Variants in STON1 observed in about 807,000 individuals in gnomAD.
STON1 encodes stonin 1.
A neutral mutation model predicts 60.9 loss-of-function variants in STON1; 79 were observed. The observed-to-expected ratio is 1.30, with a 90% CI of 1.08 to 1.56. The LOEUF (loss-of-function observed/expected upper bound fraction) is 1.56, where lower values mean the gene tolerates loss of function less well. Ranked by LOEUF, STON1 falls within the 40% of genes most tolerant of loss-of-function variation. The pLI, the probability that STON1 is intolerant of heterozygous loss-of-function variation, is 0.00. For synonymous variants in STON1, 363 were observed against 306.9 expected, an observed-to-expected ratio of 1.18 and a Z score of -1.91; for missense variants, 1,166 against 858.9, an observed-to-expected ratio of 1.36 and a Z score of -4.47.
chr2:48,583,897 G>T (rs550596103), intron 2 of STON1, among the ~76,000 whole-genome samples: 1 of 151,820 alleles, frequency 6.6e-6, no homozygotes, highest in South Asian at 2.1e-4. Context: ...AACTACAGGC[G>T]CCCACCACCA....
rs867098917 is a variant in STON1, at chr2:48,564,554, T to C, written c.-47-16033T>C. Among the ~76,000 whole-genome samples the C allele has an allele frequency of 7.1e-4, 39 of 54,766 alleles. 3 individuals carry two copies. The highest frequency in any genetic ancestry group is 7.8e-4 in the African/African-American group (11 of 14,094). 35.9% of individuals were successfully genotyped at this position (54,766 alleles called of 152,430 possible). A position where few individuals can be genotyped will look rare whatever the true frequency, so the allele number is the denominator to read the frequency against. ...TTCTTCTTCTTCTTCTTCTTCTTCT[T>C]CTTCTTCTTCTTCTCCTTCTCCTTC... On this transcript the variant is annotated intron_variant, in intron 1 of 3. Transcript: ENST00000404752.
chr2:48,562,059 C>A (rs1672636231), intron 1 of STON1, among the ~76,000 whole-genome samples: 1 of 152,118 alleles, frequency 6.6e-6, no homozygotes, highest in South Asian at 2.1e-4. Context: ...CGGGGTTCTA[C>A]CACGTTGGCC....
In STON1 at chr2:48,580,824, C is replaced by T. The variant is rs781288144; in HGVS notation, c.191C>T (p.Ser64Phe). Residue 64 changes from serine (S) to phenylalanine (F), a missense_variant, in exon 2 of 4, where the codon TCC (serine) becomes TTC (phenylalanine). Coordinates refer to ENST00000404752, the MANE Select transcript of STON1 (RefSeq NM_006873.4). ...SSSTSSTPLS[S>F]PIVDFYFSPG... ...TCCACCAGCAGCACTCCTCTCTCCT[C>T]CCCCATTGTAGATTTTTATTTCAGT... is the stretch of plus-strand genomic sequence containing the variant. 3 of 1,549,510 alleles carry T rather than the reference C, an allele frequency of 1.9e-6. No individual in the cohort carries two copies. Among genetic ancestry groups the T allele is most frequent in the East Asian group, 2.3e-5 (1 of 43,526 alleles).
At chr2:48,580,143 G>C (rs1192503614) in intron 1 of STON1, among the ~76,000 whole-genome samples, 1 of 152,054 alleles carries the variant, frequency 6.6e-6, no homozygotes, top group Admixed American at 6.6e-5. Context: ...GCTGACCTCA[G>C]GTGACCTGCT....
At chr2:48,562,108 AC>A (rs1672638284) in intron 1 of STON1, among the ~76,000 whole-genome samples, 1 of 151,998 alleles carries the variant, frequency 6.6e-6, no homozygotes, top group Non-Finnish European at 1.5e-5. Flanking sequence ...TAATCCACCC[AC>A]CTTGGCCTCC....
rs539194439 is a variant in STON1, at chr2:48,535,755, T to G, written c.-48+5539T>G. Reference sequence around the variant, plus strand: ...ATGTCTAGGTATGGATTTAGAAAATTTTATCCTACCCAGCAGTCAGTGAGC... The same window carrying G: ...ATGTCTAGGTATGGATTTAGAAAATGTTATCCTACCCAGCAGTCAGTGAGC... On this transcript the variant is annotated intron_variant, in intron 1 of 3. Coordinates refer to ENST00000404752, the MANE Select transcript of STON1 (RefSeq NM_006873.4). 1.3e-5 allele frequency among the ~76,000 whole-genome samples: 2 copies of G among 151,960 alleles called. 1 individual carries two copies. The highest frequency in any genetic ancestry group is 4.8e-5 in the African/African-American group (2 of 41,362).
chr2:48,559,370 G>A (rs1178475270), intron 1 of STON1, among the ~76,000 whole-genome samples: 3 of 152,158 alleles, frequency 2.0e-5, no homozygotes, highest in Non-Finnish European at 4.4e-5. Context: ...GTCTGCTGAG[G>A]TCCTGTTCCT....
chr2:48,542,971 C>CTTTT (rs761874001), intron 1 of STON1, among the ~76,000 whole-genome samples: 4 of 105,494 alleles, frequency 3.8e-5, no homozygotes, highest in African/African-American at 3.6e-5. Context: ...AATATCTTGA[C>CTTTT]TTTTTTTTTT....
chr2:48,588,920 A>G (rs1674360849), intron 2 of STON1, among the ~76,000 whole-genome samples: 1 of 152,152 alleles, frequency 6.6e-6, no homozygotes, highest in South Asian at 2.1e-4. Context: ...CATTCATACT[A>G]AGGTGTGAAT....
chr2:48,547,070 A>G (rs1671890427), intron 1 of STON1, among the ~76,000 whole-genome samples: 1 of 152,230 alleles, frequency 6.6e-6, no homozygotes, highest in Admixed American at 6.5e-5. Context: ...AGAGAGGCAT[A>G]ATGTAACCTT....
At chr2:48,541,357 A>C (rs891932345) in intron 1 of STON1, among the ~76,000 whole-genome samples, 1 of 150,738 alleles carries the variant, frequency 6.6e-6, no homozygotes, top group South Asian at 2.1e-4. Context: ...CATCTCAAAA[A>C]AAAAAAATTA....
At chr2:48,589,390 C>T (rs777046593) in intron 2 of STON1, among the ~76,000 whole-genome samples, 1 of 152,186 alleles carries the variant, frequency 6.6e-6, no homozygotes, top group South Asian at 2.1e-4. Flanking sequence ...TGCGACAACA[C>T]GATTTTCCTC....
intron 1 of STON1, among the ~76,000 whole-genome samples, chr2:48,546,350 C>G (rs1671866195): frequency 6.6e-6 from 1 of 152,234 alleles, no homozygotes; most frequent in South Asian, 2.1e-4. Flanking sequence ...CAGTCAGGCT[C>G]TCTCCTGCCT....
chr2:48,581,254 C>T lies in STON1; in HGVS notation c.621C>T (p.Phe207=), dbSNP rs752175691. ...ACCCACCAGGAAGCAAAAAGATGTT[C>T]TCATCAAGAAACAAGGAGATGCCTA... ...TLDPPGSKKM[F]SSRNKEMPID... is the part of the protein sequence containing the mutation. The change falls in exon 2 of 4, where the codon TTC becomes TTT. Residue 207 remains phenylalanine, a synonymous_variant. Transcript: ENST00000404752. 8 of 1,517,748 alleles carry T rather than the reference C, an allele frequency of 5.3e-6. No individual in the cohort carries two copies. In the East Asian group the frequency reaches 1.8e-4, roughly 34 times the overall value. The allele number at this position is 1,517,748 out of a possible 1,614,324, so 94.0% of individuals were successfully genotyped here.
intron 1 of STON1, among the ~76,000 whole-genome samples, chr2:48,557,655 G>A (rs1399095830): frequency 1.4e-5 from 1 of 71,374 alleles, no homozygotes; most frequent in South Asian, 5.0e-4. Flanking sequence ...ATTGAGCACT[G>A]AGTGAACGAG....
chr2:48,574,178 C>A (rs1028286008), intron 1 of STON1, among the ~76,000 whole-genome samples: 25 of 151,978 alleles, frequency 1.6e-4, no homozygotes, highest in African/African-American at 6.0e-4. Context: ...GAGTTTGAGA[C>A]CAGCTTGGCC....
chr2:48,587,699 A>C (rs949546176), intron 2 of STON1, among the ~76,000 whole-genome samples: 3 of 152,194 alleles, frequency 2.0e-5, no homozygotes. Flanking sequence ...TTCTTTTGTA[A>C]AACCGTCATA....
At chr2:48,564,623 T>C (rs1176652312) in intron 1 of STON1, among the ~76,000 whole-genome samples, 2 of 124,486 alleles carry the variant, frequency 1.6e-5, no homozygotes, top group African/African-American at 5.9e-5. Flanking sequence ...TCCTTCTCCT[T>C]CTCCTTCTCT....
At chr2:48,578,648 G>T (rs1159634952) in intron 1 of STON1, among the ~76,000 whole-genome samples, 1 of 131,598 alleles carries the variant, frequency 7.6e-6, no homozygotes, top group Non-Finnish European at 1.6e-5. Flanking sequence ...GAGTGCAATG[G>T]TGCAATCTCA....
Sources: allele counts gnomAD v4.1 joint callset (sites outside exome capture counted in the v4.1 genomes callset), GRCh38; gene constraint gnomAD v4.1.1; transcripts MANE v1.5; gene names NCBI Gene and HGNC (gene_info 2026-07-23, HGNC 2026-07-21).